The following ZNF282 variants were observed in gnomAD, a reference collection of about 807,000 sequenced individuals.
ZNF282 encodes zinc finger protein 282.
In ZNF282, 30 loss-of-function variants were observed where a neutral mutation model predicts 61.9. That is an observed-to-expected ratio of 0.48 (90% CI 0.36 to 0.66). The LOEUF is 0.66. Ranked by LOEUF, ZNF282 falls within the 30% of genes least tolerant of loss-of-function variation. The probability of loss-of-function intolerance (pLI) is 0.00; values close to 1 mark genes in which losing one functional copy is unlikely to be tolerated. For missense variants in ZNF282, 788 were observed against 941.4 expected (o/e 0.84, Z 2.13); for synonymous variants, 396 against 405.0 (o/e 0.98, Z 0.27).
intron 7 of ZNF282, among the ~76,000 whole-genome samples, chr7:149,221,612 C>T (rs140266973): frequency 5.3e-5 from 8 of 152,228 alleles, no homozygotes; most frequent in Admixed American, 3.9e-4. Context: ...GAGGCCACAG[C>T]GATCTCCCGG....
At chr7:149,216,887 G>A (rs533575542) in intron 7 of ZNF282, among the ~76,000 whole-genome samples, 2 of 152,330 alleles carry the variant, frequency 1.3e-5, no homozygotes, top group Middle Eastern at 3.4e-3. Context: ...TTATTAATGA[G>A]TGTATACTGA....
rs1313245927 is a variant in ZNF282, at chr7:149,207,429, G to A, written c.791G>A (p.Arg264His). Residue 264 changes from arginine (R) to histidine (H), a missense_variant, in exon 4 of 8, where the codon CGC becomes CAC. Coordinates refer to ENST00000610704, the MANE Select transcript of ZNF282 (RefSeq NM_003575.4). ...PREEPCVWEQ[R>H]HPEEREIPMD... ...GAAGAACCTTGTGTGTGGGAGCAGC[G>A]CCACCCCGAAGAGAGAGAAATCCCA... The A allele has an allele frequency of 5.7e-6, 9 of 1,567,258 alleles. No individual in the cohort carries two copies. Among genetic ancestry groups the A allele is most frequent in the Non-Finnish European group, 7.8e-6 (9 of 1,154,848 alleles).
intron 7 of ZNF282, among the ~76,000 whole-genome samples, chr7:149,216,320 G>C (rs1796160635): frequency 6.6e-6 from 1 of 152,158 alleles, no homozygotes; most frequent in African/African-American, 2.4e-5. Flanking sequence ...ACGCTGGTCT[G>C]AACTTCTGGC....
chr7:149,216,797 A>C (rs1796165834), intron 7 of ZNF282, among the ~76,000 whole-genome samples: 1 of 152,214 alleles, frequency 6.6e-6, no homozygotes, highest in East Asian at 1.9e-4. Context: ...AGAGGGAAAT[A>C]ACTGGTATCC....
Position 149,223,873 on chromosome 7 carries a change from C to A in ZNF282, c.1242C>A (p.Pro414=). 2 of 1,447,088 alleles carry A rather than the reference C, an allele frequency of 1.4e-6. No homozygotes were observed. Among genetic ancestry groups the A allele is most frequent in the Non-Finnish European group, 1.8e-6 (2 of 1,105,764 alleles). The allele number at this position is 1,447,088 out of a possible 1,614,324, so 89.6% of individuals were successfully genotyped here. A position where few individuals can be genotyped will look rare whatever the true frequency, so the allele number is the denominator to read the frequency against. The stretch of plus-strand genomic sequence containing the variant: ...CCCCGCCACAGCCCCAGCCCCAGCC[C>A]CAGCCACCGCAGCCGCAGCTGCAGT... ...PPAPPQPQPQ[P]QPPQPQLQSQ... Residue 414 remains proline (P), a synonymous_variant, in exon 8 of 8, where the codon CCC becomes CCA. Coordinates refer to ENST00000610704, the MANE Select transcript of ZNF282 (RefSeq NM_003575.4).
At chr7:149,213,885 C>A in intron 7 of ZNF282, 71 bp downstream of exon 7, 1 of 1,126,630 alleles carries the variant, frequency 8.9e-7, no homozygotes, top group Non-Finnish European at 1.3e-6. Context: ...TGGACGAAGG[C>A]TGGTCCTCTT....
At chr7:149,199,159 T>A (rs1795870412) in intron 2 of ZNF282, among the ~76,000 whole-genome samples, 1 of 152,160 alleles carries the variant, frequency 6.6e-6, no homozygotes, top group Non-Finnish European at 1.5e-5. Flanking sequence ...TGCCTGGAGT[T>A]GCTTTCAAGT....
intron 4 of ZNF282, among the ~76,000 whole-genome samples, chr7:149,210,225 G>C (rs1292695702): frequency 6.6e-6 from 1 of 152,114 alleles, no homozygotes; most frequent in Admixed American, 6.5e-5. Flanking sequence ...GGTCCAACTT[G>C]TGGCCCAGTC....
intron 2 of ZNF282, among the ~76,000 whole-genome samples, chr7:149,200,495 C>A (rs1206517853): frequency 6.6e-6 from 1 of 152,210 alleles, no homozygotes; most frequent in Non-Finnish European, 1.5e-5. Flanking sequence ...GGCCAGCTTT[C>A]TAATGCATGG....
chr7:149,202,263 G>GCT (rs1795923452), intron 2 of ZNF282, among the ~76,000 whole-genome samples: 2 of 148,650 alleles, frequency 1.3e-5, no homozygotes, highest in Admixed American at 6.8e-5. Flanking sequence ...TCCTGCCTCA[G>GCT]CCTCCCGAGT....
intron 7 of ZNF282, among the ~76,000 whole-genome samples, chr7:149,223,379 T>TC (rs145004276): frequency 0.029 from 4,371 of 151,854 alleles, 99 homozygotes; most frequent in Middle Eastern, 0.1. Context: ...GCCCAGGAAG[T>TC]CAAGGCTGCA....
intron 2 of ZNF282, among the ~76,000 whole-genome samples, chr7:149,201,988 T>C (rs1311861292): frequency 6.6e-6 from 1 of 152,010 alleles, no homozygotes; most frequent in African/African-American, 2.4e-5. Flanking sequence ...TCGCCACCTC[T>C]TCCATCAGGG....
rs758783337 is a variant in ZNF282 at position 149,223,804 on chromosome 7, C to A, written c.1181-8C>A. ...CTGTCAGCATGTCACTTCTTCCTAT[C>A]TCCCCAGGTGACAGCCTGCTGATGG... On this transcript the variant is annotated splice_polypyrimidine_tract_variant and splice_region_variant and intron_variant, in intron 7 of 7. Coordinates refer to ENST00000610704, the MANE Select transcript of ZNF282 (RefSeq NM_003575.4). The A allele has an allele frequency of 1.1e-5, 17 of 1,490,466 alleles. No individual in the cohort carries two copies. The South Asian group carries it at 2.2e-4, about 20-fold the overall frequency. 92.3% of individuals were successfully genotyped at this position (1,490,466 alleles called of 1,614,324 possible).
rs547957027 is a variant in ZNF282, at chr7:149,226,203, C to A, written c.*1556C>A. On this transcript the variant is annotated 3_prime_UTR_variant, in exon 8 of 8. Transcript: ENST00000610704. ...GCATGTTCACAGAGCTGGGGGTTCT[C>A]CAGCTTGCCTACAGTAAAGCCTCAA... 3 of 152,640 alleles carry A rather than the reference C, an allele frequency of 2.0e-5. No homozygotes were observed. Among genetic ancestry groups the A allele is most frequent in the Non-Finnish European group, 4.4e-5 (3 of 68,052 alleles). 9.5% of individuals were successfully genotyped at this position (152,640 alleles called of 1,614,324 possible). A position where few individuals can be genotyped will look rare whatever the true frequency, so the allele number is the denominator to read the frequency against.
intron 2 of ZNF282, among the ~76,000 whole-genome samples, chr7:149,202,596 G>A (rs748982220): frequency 6.6e-6 from 1 of 151,942 alleles, no homozygotes. Flanking sequence ...TTACAGGTGT[G>A]AGCCACCGCG....
intron 7 of ZNF282, among the ~76,000 whole-genome samples, chr7:149,217,495 C>T (rs536806304): frequency 7.9e-5 from 12 of 152,070 alleles, no homozygotes; most frequent in African/African-American, 2.4e-4. Context: ...ATCCGGGAGG[C>T]GGAGGTTGCA....
intron 4 of ZNF282, 75 bp from the exon 5 acceptor site, chr7:149,210,510 T>C: frequency 6.3e-7 from 1 of 1,578,074 alleles, no homozygotes; most frequent in Non-Finnish European, 8.6e-7. Context: ...GCAATGTCAT[T>C]CTCTGTTCCC....
rs1796324349 is a variant in ZNF282, at chr7:149,224,361, C to T, written c.1730C>T (p.Ser577Leu). Residue 577 changes from serine (S) to leucine (L), a missense_variant, in exon 8 of 8, where the codon TCG becomes TTG. By Grantham distance (145) the Ser-to-Leu change is moderately radical (BLOSUM62 -2). Coordinates refer to ENST00000610704, the MANE Select transcript of ZNF282 (RefSeq NM_003575.4). ...CGCGGCGAGCGGCCCTACAAGTGCT[C>T]GGAGTGCGAGAAGACCTACAGCCGT... is the stretch of plus-strand genomic sequence containing the variant. ...THRGERPYKC[S>L]ECEKTYSRKE... The T allele has an allele frequency of 6.2e-6, 10 of 1,613,832 alleles. No individual in the cohort carries two copies. The highest frequency in any genetic ancestry group is 1.7e-5 in the Admixed American group (1 of 60,008).
At chr7:149,210,062 A>G (rs1796059238) in intron 4 of ZNF282, among the ~76,000 whole-genome samples, 1 of 152,168 alleles carries the variant, frequency 6.6e-6, no homozygotes, top group Non-Finnish European at 1.5e-5. Flanking sequence ...GAGGTTCTGC[A>G]CTATCTGTCC....
Sources: gnomAD v4.1 joint callset for allele counts (sites outside exome capture counted in the v4.1 genomes callset) on GRCh38, gnomAD v4.1.1 for gene constraint, MANE v1.5 for transcripts, NCBI Gene and HGNC (gene_info 2026-07-23, HGNC 2026-07-21) for gene names.